The following CDC42BPA variants were observed in gnomAD, a reference collection of about 807,000 sequenced individuals.
CDC42BPA encodes CDC42 binding protein kinase alpha, also known as serine/threonine-protein kinase MRCK alpha.
In CDC42BPA, 80 loss-of-function variants were observed where a neutral mutation model predicts 223.5. The ratio of observed to expected loss-of-function variants is 0.36; its 90% confidence interval spans 0.30 to 0.43. The LOEUF (loss-of-function observed/expected upper bound fraction) is 0.43, where lower values mean the gene tolerates loss of function less well. CDC42BPA is among the 20% of genes least tolerant of loss of function. The pLI, the probability that CDC42BPA is intolerant of heterozygous loss-of-function variation, is 1.00. For missense variants in CDC42BPA, 1,743 were observed against 2,099.9 expected (o/e 0.83, Z 3.32); for synonymous variants, 694 against 718.6 (o/e 0.97, Z 0.55).
At chr1:227,038,555 C>T (rs999553748) in intron 24 of CDC42BPA, among the ~76,000 whole-genome samples, 1 of 152,178 alleles carries the variant, frequency 6.6e-6, no homozygotes, top group African/African-American at 2.4e-5. Flanking sequence ...AATAACAGCA[C>T]AAACAACAGC....
chr1:227,126,921 T>C (rs1184825245), intron 11 of CDC42BPA, among the ~76,000 whole-genome samples: 1 of 152,062 alleles, frequency 6.6e-6, no homozygotes, highest in Non-Finnish European at 1.5e-5. Flanking sequence ...GTTCTTGCAA[T>C]AAGGCAAGAA....
chr1:227,289,054 C>T (rs1689266103), intron 1 of CDC42BPA, among the ~76,000 whole-genome samples: 1 of 152,002 alleles, frequency 6.6e-6, no homozygotes, highest in Admixed American at 6.6e-5. Context: ...TATCACAAAT[C>T]TCCATCTCCC....
intron 34 of CDC42BPA, among the ~76,000 whole-genome samples, chr1:227,014,868 G>T (rs1159695819): frequency 6.6e-6 from 1 of 152,180 alleles, no homozygotes; most frequent in Non-Finnish European, 1.5e-5. Context: ...GAAATGTACA[G>T]AGCCTGGCTA....
intron 34 of CDC42BPA, among the ~76,000 whole-genome samples, chr1:227,015,217 G>A (rs1665969150): frequency 6.6e-6 from 1 of 151,882 alleles, no homozygotes. Flanking sequence ...GCAAGGTCAG[G>A]GTTCGAGACC....
chr1:227,181,115 A>G (rs1022458313), intron 5 of CDC42BPA, among the ~76,000 whole-genome samples: 3 of 152,344 alleles, frequency 2.0e-5, no homozygotes, highest in African/African-American at 7.2e-5. Flanking sequence ...AGCAAATCAA[A>G]AACAGTAATG....
intron 32 of CDC42BPA, among the ~76,000 whole-genome samples, chr1:227,019,885 T>C (rs763568712): frequency 2.0e-5 from 3 of 151,944 alleles, no homozygotes; most frequent in African/African-American, 7.3e-5. Context: ...ACAGGCAGAG[T>C]AGAGTTACCA....
rs765339645 is a variant in CDC42BPA at position 227,004,982 on chromosome 1, C to T, written c.4975+12G>A. On this transcript the variant is annotated intron_variant, in intron 35 of 36. Coordinates refer to ENST00000366766, the MANE Select transcript of CDC42BPA (RefSeq NM_001394014.1). ...TGTCTCAGAGGCACCTTCCTGTAGC[C>T]CCGGCACTTACTTGCTGACAAGCCA... 69 of 1,590,514 alleles carry T rather than the reference C, an allele frequency of 4.3e-5. No individual in the cohort carries two copies. The highest frequency in any genetic ancestry group is 5.7e-5 in the Non-Finnish European group (66 of 1,158,516).
intron 5 of CDC42BPA, among the ~76,000 whole-genome samples, chr1:227,170,354 A>G (rs1384872193): frequency 1.3e-5 from 2 of 152,002 alleles, no homozygotes; most frequent in East Asian, 3.9e-4. Flanking sequence ...CCATCTTGAC[A>G]GTGATTCTTC....
intron 3 of CDC42BPA, among the ~76,000 whole-genome samples, chr1:227,211,682 A>AC (rs1673928244): frequency 1.3e-5 from 2 of 151,996 alleles, no homozygotes; most frequent in Admixed American, 6.6e-5. Flanking sequence ...GCCAAATACC[A>AC]CATGTTCTCA....
At chr1:227,153,542 T>C (rs1662171773) in intron 6 of CDC42BPA, among the ~76,000 whole-genome samples, 1 of 151,664 alleles carries the variant, frequency 6.6e-6, no homozygotes. Context: ...TAAACAATAC[T>C]AGGAAAAGGG....
intron 2 of CDC42BPA, among the ~76,000 whole-genome samples, chr1:227,224,433 T>C (rs943475530): frequency 2.0e-5 from 3 of 152,072 alleles, no homozygotes; most frequent in African/African-American, 7.2e-5. Context: ...GGTTTCATCA[T>C]GTTGGCTAGG....
At chr1:227,091,743 G>T in intron 16 of CDC42BPA, 143 bp downstream of exon 16, 2 of 506,984 alleles carry the variant, frequency 3.9e-6, no homozygotes, top group Non-Finnish European at 3.5e-6. Context: ...ACAAAGAATT[G>T]CATATATCAT....
At chr1:227,163,110 ATGTG>A (rs66950416) in intron 5 of CDC42BPA, among the ~76,000 whole-genome samples, 77,098 of 142,984 alleles carry the variant, frequency 0.54, 20,035 homozygotes, top group South Asian at 0.62. Context: ...CCAAACATAT[ATGTG>A]TGTATGTTTC....
chr1:227,257,056 G>A (rs1683201865), intron 1 of CDC42BPA, among the ~76,000 whole-genome samples: 1 of 151,260 alleles, frequency 6.6e-6, no homozygotes, highest in African/African-American at 2.4e-5. Flanking sequence ...GATAAATCTT[G>A]AAAACATGCT....
chr1:227,306,349 C>CA (rs1212076336), intron 1 of CDC42BPA, among the ~76,000 whole-genome samples: 3 of 152,126 alleles, frequency 2.0e-5, no homozygotes, highest in Non-Finnish European at 4.4e-5. Flanking sequence ...CAGATGCACA[C>CA]AGAGGTTGAA....
chr1:227,081,163 G>C (rs1189435887), intron 16 of CDC42BPA, 146 bp from the exon 17 acceptor site: 2 of 719,408 alleles, frequency 2.8e-6, no homozygotes, highest in African/African-American at 3.6e-5. Flanking sequence ...ACTGAATTTG[G>C]ATATCAAGTA....
At chr1:227,214,242 C>T (rs1335870867) in intron 2 of CDC42BPA, among the ~76,000 whole-genome samples, 1 of 151,600 alleles carries the variant, frequency 6.6e-6, no homozygotes, top group African/African-American at 2.4e-5. Context: ...AGCAAATGTG[C>T]ATATCAAGGT....
intron 10 of CDC42BPA, among the ~76,000 whole-genome samples, chr1:227,132,970 T>C (rs1283821064): frequency 1.3e-4 from 17 of 128,866 alleles, no homozygotes; most frequent in South Asian, 5.4e-4. Flanking sequence ...AGCCCCGCCG[T>C]CCGGCAGCCA....
In CDC42BPA at chr1:227,040,228, A is replaced by G. The variant is rs113402500; in HGVS notation, c.3102T>C (p.Thr1034=). Residue 1034 remains threonine (T), a synonymous_variant, in exon 24 of 37, where the codon ACT becomes ACC. Coordinates refer to ENST00000366766, the MANE Select transcript of CDC42BPA (RefSeq NM_001394014.1). ...TAAAAGATTTTACAAAAAACTGGTG[A>G]GTCTTGCGCTGCAAAACAAATTGAT... is the stretch of plus-strand genomic sequence containing the variant. ...GSTGFPPKRK[T]HQFFVKSFTT... 1 of 1,604,650 alleles carries G rather than the reference A, an allele frequency of 6.2e-7. No homozygotes were observed. The highest frequency in any genetic ancestry group is 1.3e-5 in the African/African-American group (1 of 74,718).
Sources: allele counts gnomAD v4.1 joint callset (sites outside exome capture counted in the v4.1 genomes callset), GRCh38; gene constraint gnomAD v4.1.1; transcripts MANE v1.5; gene names NCBI Gene and HGNC (gene_info 2026-07-23, HGNC 2026-07-21).